CHST12: variants seen among roughly 807,000 people sequenced by gnomAD.
The protein encoded by CHST12 is carbohydrate (chondroitin 4) sulfotransferase 12.
CHST12 carries 23 observed loss-of-function variants against 27.9 expected under a neutral mutation model. The ratio of observed to expected loss-of-function variants is 0.82; its 90% CI spans 0.59 to 1.17. The LOEUF (loss-of-function observed/expected upper bound fraction) is 1.17. Among genes scored for constraint, CHST12 ranks in the 50% most tolerant of loss-of-function variants. CHST12 has a pLI of 0.00. For synonymous variants in CHST12, 322 were observed against 273.0 expected, an observed-to-expected ratio of 1.18 and a Z score of -1.77; for missense variants, 682 against 603.0, an observed-to-expected ratio of 1.13 and a Z score of -1.37.
chr7:2,422,064 A>G (rs747293492), intron 1 of CHST12, among the ~76,000 whole-genome samples: 24 of 152,152 alleles, frequency 1.6e-4, no homozygotes, highest in Non-Finnish European at 2.5e-4. Flanking sequence ...GCCCTTATCT[A>G]GTTCTTAGGT....
chr7:2,428,199 T>C (rs1418171556), intron 1 of CHST12, among the ~76,000 whole-genome samples: 11 of 97,818 alleles, frequency 1.1e-4, no homozygotes, highest in South Asian at 9.7e-4. Flanking sequence ...CTCTCTCTCT[T>C]TTTTTTTTTT....
rs1782473432 is a variant in CHST12, at chr7:2,436,328, T to G, written c.*2444T>G. On this transcript the variant is annotated 3_prime_UTR_variant, in exon 2 of 2. Transcript: ENST00000618655. Reference sequence around the variant, plus strand: ...AAGGCAGCAGCTTCCACTCTCTGATTTCTACTACCCGAGCTCCCTCAGAAA... The same window carrying G: ...AAGGCAGCAGCTTCCACTCTCTGATGTCTACTACCCGAGCTCCCTCAGAAA... 6.6e-6 allele frequency: 1 copy of G among 152,222 alleles called. No individual in the cohort carries two copies. 9.4% of individuals were successfully genotyped at this position (152,222 alleles called of 1,614,324 possible). A position where few individuals can be genotyped will look rare whatever the true frequency, so the allele number is the denominator to read the frequency against.
At chr7:2,406,302 G>C (rs1243175242) in intron 1 of CHST12, among the ~76,000 whole-genome samples, 1 of 148,830 alleles carries the variant, frequency 6.7e-6, no homozygotes, top group East Asian at 2.0e-4. Flanking sequence ...GGTGGTTTCT[G>C]TAACTGTTTA....
In CHST12 at chr7:2,433,230, C is replaced by T. The variant is rs761289366; in HGVS notation, c.591C>T (p.Arg197=). The T allele has an allele frequency of 1.6e-5, 25 of 1,612,064 alleles. No individual in the cohort carries two copies. Among genetic ancestry groups the T allele is most frequent in the Admixed American group, 1.5e-4 (9 of 59,966 alleles). The change falls in exon 2 of 2, where the codon CGC becomes CGT. Residue 197 remains arginine (R), a synonymous_variant. Transcript: ENST00000618655. This position sits in a 1 kb window ranked among gnomAD's most constrained non-coding sequence, Gnocchi z 6.1. ...GSLLHRGAPY[R]DPLRIPREHV... ...TGCTGCACCGCGGTGCGCCCTACCGCGACCCGCTGCGCATCCCGCGCGAGC... is the reference window on the plus strand; with the variant it reads ...TGCTGCACCGCGGTGCGCCCTACCGTGACCCGCTGCGCATCCCGCGCGAGC...
chr7:2,407,043 A>G (rs1781544717), intron 1 of CHST12, among the ~76,000 whole-genome samples: 1 of 152,112 alleles, frequency 6.6e-6, no homozygotes. Flanking sequence ...GATGTAAAAA[A>G]AAAAAATAAA....
At position 2,441,061 on chromosome 7, in the gene CHST12, C is replaced by G. The variant is rs1327407787; in HGVS notation, c.*7177C>G. 1 of 152,230 alleles carries G rather than the reference C, an allele frequency of 6.6e-6. No individual in the cohort carries two copies. The highest frequency in any genetic ancestry group is 1.5e-5 in the Non-Finnish European group (1 of 68,070). 9.4% of individuals were successfully genotyped at this position (152,230 alleles called of 1,614,324 possible). On this transcript the variant is annotated 3_prime_UTR_variant, in exon 2 of 2. Coordinates refer to ENST00000618655, the MANE Select transcript of CHST12 (RefSeq NM_018641.5). ...TTCAAGAGGTTCAAAGCGTGCAGGC[C>G]CCATGCTCCGTGAGAGCCTTGACCT...
chr7:2,410,926 G>C (rs2115389087), intron 1 of CHST12, among the ~76,000 whole-genome samples: 1 of 152,234 alleles, frequency 6.6e-6, no homozygotes. Context: ...GTGGGCCTGA[G>C]AGCAGAAGCA....
intron 1 of CHST12, among the ~76,000 whole-genome samples, chr7:2,408,477 A>C (rs1439747961): frequency 6.6e-6 from 1 of 152,134 alleles, no homozygotes; most frequent in Non-Finnish European, 1.5e-5. Context: ...ATAGGTCATC[A>C]CAGGTCAAGA....
chr7:2,428,585 G>A (rs926665805), intron 1 of CHST12, among the ~76,000 whole-genome samples: 5 of 152,128 alleles, frequency 3.3e-5, no homozygotes, highest in African/African-American at 1.2e-4. Context: ...TGAGGGCGGG[G>A]GTAGGTTAGT....
chr7:2,427,529 T>G (rs1782157790), intron 1 of CHST12, among the ~76,000 whole-genome samples: 1 of 151,922 alleles, frequency 6.6e-6, no homozygotes, highest in African/African-American at 2.4e-5. Flanking sequence ...TTTACACATT[T>G]GTTTGAAGAT....
rs1782440571 is a variant in CHST12 at position 2,435,088 on chromosome 7, C to T, written c.*1204C>T. Reference sequence around the variant, plus strand: ...AAAATCAGCCGGACATGATGGTGCACACCTGTAATCCCAGCTACTCGGGAG... The same window carrying T: ...AAAATCAGCCGGACATGATGGTGCATACCTGTAATCCCAGCTACTCGGGAG... On this transcript the variant is annotated 3_prime_UTR_variant, in exon 2 of 2. Coordinates refer to ENST00000618655, the MANE Select transcript of CHST12 (RefSeq NM_018641.5). 1 of 152,014 alleles carries T rather than the reference C, an allele frequency of 6.6e-6. No homozygotes were observed. The highest frequency in any genetic ancestry group is 1.5e-5 in the Non-Finnish European group (1 of 68,072). 9.4% of individuals were successfully genotyped at this position (152,014 alleles called of 1,614,324 possible). A position where few individuals can be genotyped will look rare whatever the true frequency, so the allele number is the denominator to read the frequency against.
At chr7:2,425,084 T>C (rs1217861443) in intron 1 of CHST12, among the ~76,000 whole-genome samples, 1 of 151,666 alleles carries the variant, frequency 6.6e-6, no homozygotes, top group Non-Finnish European at 1.5e-5. Context: ...CGGGCGCCTG[T>C]AGTCCCAGCT....
At chr7:2,420,427 C>T (rs1010050955) in intron 1 of CHST12, among the ~76,000 whole-genome samples, 6 of 152,116 alleles carry the variant, frequency 3.9e-5, no homozygotes, top group African/African-American at 1.2e-4. Flanking sequence ...GTTCATCTGT[C>T]GCGAACACTT....
At chr7:2,417,387 CTTTT>C (rs769115925) in intron 1 of CHST12, among the ~76,000 whole-genome samples, 7 of 129,678 alleles carry the variant, frequency 5.4e-5, no homozygotes, top group Admixed American at 2.4e-4. Flanking sequence ...CCATGTCTGA[CTTTT>C]TTTTTTTTTT....
chr7:2,428,586 G>T (rs1399969845), intron 1 of CHST12, among the ~76,000 whole-genome samples: 4 of 152,168 alleles, frequency 2.6e-5, no homozygotes, highest in African/African-American at 9.7e-5. Context: ...GAGGGCGGGG[G>T]TAGGTTAGTG....
chr7:2,416,902 C>T (rs1434390324), intron 1 of CHST12, among the ~76,000 whole-genome samples: 1 of 152,200 alleles, frequency 6.6e-6, no homozygotes, highest in Non-Finnish European at 1.5e-5. Flanking sequence ...AGTAAATCTG[C>T]ATTTTACCTG....
chr7:2,439,565 C>A lies in CHST12; in HGVS notation c.*5681C>A, dbSNP rs1230129251. 2 of 151,918 alleles carry A rather than the reference C, an allele frequency of 1.3e-5. No individual in the cohort carries two copies. The highest frequency in any genetic ancestry group is 6.6e-5 in the Admixed American group (1 of 15,254). The allele number at this position is 151,918 out of a possible 1,614,324, so 9.4% of individuals were successfully genotyped here. ...TAGCTGGGACTACAGGCATGCACCA[C>A]CATGCCCGGCTAATTTTTACATTTT... On this transcript the variant is annotated 3_prime_UTR_variant, in exon 2 of 2. Coordinates refer to ENST00000618655, the MANE Select transcript of CHST12 (RefSeq NM_018641.5).
At chr7:2,417,931 T>C (rs1781852755) in intron 1 of CHST12, among the ~76,000 whole-genome samples, 1 of 152,278 alleles carries the variant, frequency 6.6e-6, no homozygotes, top group Non-Finnish European at 1.5e-5. Context: ...TCAGTTCTGC[T>C]GTAACAATGT....
At chr7:2,427,302 C>T (rs147564221) in intron 1 of CHST12, among the ~76,000 whole-genome samples, 15 of 152,188 alleles carry the variant, frequency 9.9e-5, no homozygotes, top group Middle Eastern at 3.4e-3. Context: ...AGTTCAAGAC[C>T]AGCCGGGTTA....
Sources: gnomAD v4.1 joint callset for allele counts (sites outside exome capture counted in the v4.1 genomes callset) on GRCh38, gnomAD v4.1.1 for gene constraint, Gnocchi (gnomAD v3.1) non-coding constraint, MANE v1.5 for transcripts, NCBI Gene and HGNC (gene_info 2026-07-23, HGNC 2026-07-21) for gene names.